The following GCH1 variants were observed in gnomAD, a reference collection of about 807,000 sequenced individuals.
The protein encoded by GCH1 is GTP cyclohydrolase 1.
GCH1 carries 5 observed loss-of-function variants against 25.9 expected under a neutral mutation model. The observed-to-expected ratio is 0.19, with a 90% confidence interval of 0.10 to 0.41. The LOEUF (loss-of-function observed/expected upper bound fraction) is 0.41, where lower values mean the gene tolerates loss of function less well. GCH1 is among the 10% of genes least tolerant of loss of function. The pLI, the probability that GCH1 is intolerant of heterozygous loss-of-function variation, is 1.00. For missense variants in GCH1, 261 were observed against 336.5 expected (o/e 0.78, Z 1.75); for synonymous variants, 159 against 129.6 (o/e 1.23, Z -1.54).
At chr14:54,865,145 C>T (rs920082362) in intron 2 of GCH1, among the ~76,000 whole-genome samples, 182 bp downstream of exon 2, 1 of 151,882 alleles carries the variant, frequency 6.6e-6, no homozygotes, top group Non-Finnish European at 1.5e-5. Flanking sequence ...CCTTCTGCTA[C>T]TTTGGTTTTG....
chr14:54,889,002 G>T (rs945532298), intron 1 of GCH1, among the ~76,000 whole-genome samples: 1 of 152,188 alleles, frequency 6.6e-6, no homozygotes, highest in Non-Finnish European at 1.5e-5. Flanking sequence ...TAGAAGGGGA[G>T]AAAGAGATGA....
chr14:54,863,424 A>AT, intron 2 of GCH1, among the ~76,000 whole-genome samples: 1 of 140,192 alleles, frequency 7.1e-6, no homozygotes, highest in East Asian at 2.0e-4. Flanking sequence ...TCCGTCTCAA[A>AT]AAAAAAAAAA....
intron 3 of GCH1, among the ~76,000 whole-genome samples, chr14:54,849,505 T>A (rs1281900279): frequency 6.6e-6 from 1 of 152,226 alleles, no homozygotes; most frequent in Non-Finnish European, 1.5e-5. Context: ...ATAATCGATA[T>A]TTCTTTCTTT....
chr14:54,843,672 C>A lies in GCH1; in HGVS notation c.*345G>T. On this transcript the variant is annotated 3_prime_UTR_variant, in exon 6 of 6. Coordinates refer to ENST00000491895, the MANE Select transcript of GCH1 (RefSeq NM_000161.3). ...GCACAGTTCCCTCTCATTCCCAATG[C>A]TCCTATGCTTATGAGGCAAATTACT... 1 of 1,589,676 alleles carries A rather than the reference C, an allele frequency of 6.3e-7. No individual in the cohort carries two copies.
chr14:54,861,626 A>G (rs1249667384), intron 2 of GCH1, among the ~76,000 whole-genome samples: 2 of 151,910 alleles, frequency 1.3e-5, no homozygotes, highest in African/African-American at 4.8e-5. Flanking sequence ...GAGAGGCTGA[A>G]GCAGAAGAAT....
chr14:54,893,891 T>C (rs1268897889), intron 1 of GCH1, among the ~76,000 whole-genome samples: 2 of 152,232 alleles, frequency 1.3e-5, no homozygotes, highest in African/African-American at 4.8e-5. Flanking sequence ...CTCACTGAGC[T>C]GTGTTTTTGT....
chr14:54,870,755 C>T (rs1231267657), intron 1 of GCH1, among the ~76,000 whole-genome samples: 1 of 152,208 alleles, frequency 6.6e-6, no homozygotes, highest in African/African-American at 2.4e-5. Context: ...TCATTGCTAG[C>T]ACAGCAGTCT....
chr14:54,878,931 T>A (rs1436282665), intron 1 of GCH1, among the ~76,000 whole-genome samples: 1 of 152,124 alleles, frequency 6.6e-6, no homozygotes, highest in Non-Finnish European at 1.5e-5. Context: ...CCAGTTAATT[T>A]TTTATTTTTT....
chr14:54,846,361 C>T (rs1009934964), intron 4 of GCH1, among the ~76,000 whole-genome samples: 9 of 152,150 alleles, frequency 5.9e-5, no homozygotes, highest in African/African-American at 1.7e-4. Flanking sequence ...TGCAGCACTG[C>T]ATCTATTTGA....
At chr14:54,880,810 CATATAT>C (rs375570607) in intron 1 of GCH1, among the ~76,000 whole-genome samples, 3 of 44,644 alleles carry the variant, frequency 6.7e-5, no homozygotes, top group African/African-American at 2.8e-4. Flanking sequence ...ATATATACTC[CATATAT>C]ATATATATAT....
At chr14:54,851,718 A>C (rs1177774926) in intron 3 of GCH1, among the ~76,000 whole-genome samples, 1 of 152,168 alleles carries the variant, frequency 6.6e-6, no homozygotes, top group Non-Finnish European at 1.5e-5. Flanking sequence ...AAAAGTCAGG[A>C]AACAACAGGT....
chr14:54,861,279 T>C (rs149850176), intron 2 of GCH1, among the ~76,000 whole-genome samples: 3 of 152,174 alleles, frequency 2.0e-5, no homozygotes, highest in African/African-American at 7.2e-5. Context: ...CACCTGAACA[T>C]TGAGGATTTC....
chr14:54,874,933 A>G (rs1315698919), intron 1 of GCH1, among the ~76,000 whole-genome samples: 2 of 152,184 alleles, frequency 1.3e-5, no homozygotes, highest in African/African-American at 4.8e-5. Context: ...ATCCCCATCA[A>G]GCTACCAATG....
intron 5 of GCH1, among the ~76,000 whole-genome samples, chr14:54,845,096 C>T (rs1200130265): frequency 6.6e-6 from 1 of 151,904 alleles, no homozygotes; most frequent in African/African-American, 2.4e-5. Context: ...TCGCTTGAAC[C>T]TGGGAGGCAG....
intron 2 of GCH1, among the ~76,000 whole-genome samples, chr14:54,863,914 A>G (rs2039956091): frequency 6.6e-6 from 1 of 152,146 alleles, no homozygotes; most frequent in Non-Finnish European, 1.5e-5. Flanking sequence ...GCTAGGATAT[A>G]GTGGCGCAAT....
rs367921543 is a variant in GCH1, at chr14:54,845,761, G to C, written c.626+7C>G. 4.7e-6 allele frequency: 7 copies of C among 1,503,514 alleles called. No homozygotes were observed. In the African/African-American group the frequency reaches 9.6e-5, roughly 21 times the overall value. 93.1% of individuals were successfully genotyped at this position (1,503,514 alleles called of 1,614,324 possible). ...TATGACGTTACTAAAGGCAGATGCA[G>C]ACTTACGTTGCTTCAACCACTACCC... On this transcript the variant is annotated splice_region_variant and intron_variant, in intron 5 of 5. Coordinates refer to ENST00000491895, the MANE Select transcript of GCH1 (RefSeq NM_000161.3).
intron 1 of GCH1, among the ~76,000 whole-genome samples, chr14:54,891,953 A>G (rs539192533): frequency 6.6e-6 from 1 of 152,346 alleles, no homozygotes; most frequent in African/African-American, 2.4e-5. Context: ...TGACGTTGGC[A>G]ATTCAGTTAT....
At chr14:54,865,963 T>A (rs1282902145) in intron 1 of GCH1, among the ~76,000 whole-genome samples, 1 of 152,204 alleles carries the variant, frequency 6.6e-6, no homozygotes, top group African/African-American at 2.4e-5. Context: ...TATTGTAGGC[T>A]AGCATCAGAC....
intron 2 of GCH1, among the ~76,000 whole-genome samples, 176 bp from the exon 3 acceptor site, chr14:54,859,912 A>AT (rs2039869144): frequency 6.6e-6 from 1 of 152,238 alleles, no homozygotes; most frequent in African/African-American, 2.4e-5. Context: ...TTATATATGT[A>AT]TTTTTAAAAT....
Sources: gnomAD v4.1 joint callset for allele counts (sites outside exome capture counted in the v4.1 genomes callset) on GRCh38, gnomAD v4.1.1 for gene constraint, MANE v1.5 for transcripts, NCBI Gene and HGNC (gene_info 2026-07-23, HGNC 2026-07-21) for gene names.